Variants in NOL10 observed in about 807,000 individuals in gnomAD.
The protein encoded by NOL10 is H_NH0074G24.1.
Under a neutral mutation model 103.5 loss-of-function variants are expected in NOL10, and 58 were observed. The ratio of observed to expected loss-of-function variants is 0.56; its 90% CI spans 0.45 to 0.70. NOL10 has a LOEUF of 0.70. Ranked by LOEUF, NOL10 falls within the 30% of genes least tolerant of loss-of-function variation. NOL10 has a pLI of 0.00. For synonymous variants in NOL10, 287 were observed against 282.5 expected (o/e 1.02, Z -0.16); for missense variants, 763 against 807.3 (o/e 0.95, Z 0.67).
At chr2:10,663,126 G>A in intron 8 of NOL10, 82 bp from the exon 9 acceptor site, 2 of 1,120,236 alleles carry the variant, frequency 1.8e-6, no homozygotes, top group Non-Finnish European at 2.7e-6. Flanking sequence ...CAGCACTTTG[G>A]GAGGCCGAGG....
At chr2:10,636,918 G>A (rs993225571) in intron 13 of NOL10, among the ~76,000 whole-genome samples, 1 of 151,902 alleles carries the variant, frequency 6.6e-6, no homozygotes, top group African/African-American at 2.4e-5. Flanking sequence ...AAAACCCTTA[G>A]AGGCTGGGTG....
At chr2:10,680,769 A>G (rs1681703534) in intron 3 of NOL10, among the ~76,000 whole-genome samples, 1 of 152,234 alleles carries the variant, frequency 6.6e-6, no homozygotes, top group Non-Finnish European at 1.5e-5. Flanking sequence ...GAAAAGGAAT[A>G]CTGTTATCAG....
At chr2:10,608,027 G>T (rs914359553) in intron 13 of NOL10, among the ~76,000 whole-genome samples, 3 of 152,022 alleles carry the variant, frequency 2.0e-5, no homozygotes, top group African/African-American at 7.2e-5. Flanking sequence ...TAAGAGAGTA[G>T]ATTTTAAATG....
At chr2:10,659,099 G>GT (rs745946032) in intron 10 of NOL10, 73 bp downstream of exon 10, 5 of 980,798 alleles carry the variant, frequency 5.1e-6, no homozygotes, top group Non-Finnish European at 8.0e-6. Context: ...TTCCTGCAGT[G>GT]TATTTCTCAT....
chr2:10,582,641 C>T (rs1326028754), intron 19 of NOL10, among the ~76,000 whole-genome samples: 4 of 152,184 alleles, frequency 2.6e-5, no homozygotes, highest in Non-Finnish European at 5.9e-5. Flanking sequence ...CCTATGTTCA[C>T]GCATCTGGAC....
rs1453154932 is a variant in NOL10, at chr2:10,587,066, TAC to T, written c.1844+1975_1844+1976del. Among the ~76,000 whole-genome samples, 166 of 40,344 alleles carry T rather than the reference TAC, an allele frequency of 4.1e-3. 11 individuals carry two copies. Among genetic ancestry groups the T allele is most frequent in the African/African-American group, 6.1e-3 (59 of 9,736 alleles). 26.5% of individuals were successfully genotyped at this position (40,344 alleles called of 152,430 possible). ...ATGTATATATATATACATATATATA[TAC>T]ATATATATACATATATATACATATA... On this transcript the variant is annotated intron_variant, in intron 19 of 20. Coordinates refer to ENST00000381685, the MANE Select transcript of NOL10 (RefSeq NM_024894.4).
At chr2:10,590,932 A>C (rs535561743) in intron 17 of NOL10, 3 of 152,132 alleles carry the variant, frequency 2.0e-5, no homozygotes, top group Non-Finnish European at 4.4e-5. Context: ...GAAAAAGCTG[A>C]CCTGTTTGTG....
rs1264440379 is a variant in NOL10, at chr2:10,587,166, TAC to T, written c.1844+1875_1844+1876del. On this transcript the variant is annotated intron_variant, in intron 19 of 20. Coordinates refer to ENST00000381685, the MANE Select transcript of NOL10 (RefSeq NM_024894.4). The stretch of plus-strand genomic sequence containing the variant: ...ATATATATACATATATACACATATA[TAC>T]ACATATATATACACATATATATACA... 1.0e-4 allele frequency among the ~76,000 whole-genome samples: 5 copies of T among 48,336 alleles called. No individual in the cohort carries two copies. In the East Asian group the frequency reaches 2.4e-3, roughly 23 times the overall value. The allele number at this position is 48,336 out of a possible 152,430, so 31.7% of individuals were successfully genotyped here.
At chr2:10,647,848 A>T (rs1679186845) in intron 12 of NOL10, among the ~76,000 whole-genome samples, 1 of 152,250 alleles carries the variant, frequency 6.6e-6, no homozygotes, top group African/African-American at 2.4e-5. Context: ...CAGCCCTGTA[A>T]GGCAGGTGAG....
At chr2:10,684,101 A>G (rs1681976190) in intron 2 of NOL10, among the ~76,000 whole-genome samples, 1 of 152,006 alleles carries the variant, frequency 6.6e-6, no homozygotes, top group African/African-American at 2.4e-5. Context: ...CAACATGGAG[A>G]AACCCCATCT....
At position 10,603,065 on chromosome 2, in the gene NOL10, G is replaced by A. The variant is rs2287062; in HGVS notation, c.1233+13C>T. 0.53 allele frequency: 839,882 copies of A among 1,582,618 alleles called. 227,047 individuals are homozygous for A. Among genetic ancestry groups the A allele is most frequent in the African/African-American group, 0.74 (55,055 of 74,182 alleles). On this transcript the variant is annotated intron_variant, in intron 15 of 20. Transcript: ENST00000381685. Reference sequence around the variant, plus strand: ...AGTTACCTGAAACATAATAACTGTAGTTTTCTGTTTACCTTGTGATAGAGT... The same window carrying A: ...AGTTACCTGAAACATAATAACTGTAATTTTCTGTTTACCTTGTGATAGAGT...
chr2:10,637,584 G>A (rs1427802905), intron 13 of NOL10, among the ~76,000 whole-genome samples: 1 of 152,228 alleles, frequency 6.6e-6, no homozygotes, highest in East Asian at 1.9e-4. Context: ...ACTCAGCTGA[G>A]AGGCTTAGAA....
chr2:10,609,725 A>T lies in NOL10; in HGVS notation c.1027-2414T>A, dbSNP rs78313663. ...CAGGGGTATCTGCTTCCAGTGAGTC[A>T]TAAACCTGCAAATGCAAAGCTCTAT... On this transcript the variant is annotated intron_variant, in intron 13 of 20. Coordinates refer to ENST00000381685, the MANE Select transcript of NOL10 (RefSeq NM_024894.4). Among the ~76,000 whole-genome samples the T allele has an allele frequency of 2.5e-3, 381 of 152,378 alleles. 4 individuals carry two copies. The East Asian group carries it at 0.041, about 16-fold the overall frequency.
In NOL10 at chr2:10,575,059, T is replaced by C. The variant is rs1242485085; in HGVS notation, c.1947+2577A>G. Among the ~76,000 whole-genome samples, 5 of 152,234 alleles carry C rather than the reference T, an allele frequency of 3.3e-5. No homozygotes were observed. The East Asian group carries it at 7.7e-4, about 23-fold the overall frequency. On this transcript the variant is annotated intron_variant, in intron 20 of 20. Transcript: ENST00000381685. ...GGCCATTAGCGCTTCTCCTGGGTGCTTCTGCCTCCTCTTCCCGACTACTTC... is the reference window on the plus strand; with the variant it reads ...GGCCATTAGCGCTTCTCCTGGGTGCCTCTGCCTCCTCTTCCCGACTACTTC...
chr2:10,640,027 C>T (rs562511570), intron 13 of NOL10, among the ~76,000 whole-genome samples: 3 of 151,904 alleles, frequency 2.0e-5, no homozygotes, highest in Non-Finnish European at 2.9e-5. Context: ...ATCAGATAGG[C>T]AAAAATTAAC....
At chr2:10,654,422 T>C (rs1345249574) in intron 12 of NOL10, 59 bp downstream of exon 12, 1 of 1,160,478 alleles carries the variant, frequency 8.6e-7, no homozygotes, top group Non-Finnish European at 1.2e-6. Context: ...TCACTGAACG[T>C]TCACTACAGA....
At chr2:10,675,974 T>C (rs904457167) in intron 3 of NOL10, 103 bp from the exon 4 acceptor site, 9 of 537,512 alleles carry the variant, frequency 1.7e-5, no homozygotes, top group African/African-American at 7.7e-5. Context: ...GCAGGATTAA[T>C]TGTAACCAAA....
At chr2:10,645,973 TA>T (rs1679049364) in intron 12 of NOL10, among the ~76,000 whole-genome samples, 1 of 127,858 alleles carries the variant, frequency 7.8e-6, no homozygotes, top group African/African-American at 3.2e-5. Flanking sequence ...ACACACCCCG[TA>T]AAAACATCTA....
At chr2:10,615,222 A>T (rs1676770920) in intron 13 of NOL10, among the ~76,000 whole-genome samples, 1 of 152,258 alleles carries the variant, frequency 6.6e-6, no homozygotes, top group South Asian at 2.1e-4. Flanking sequence ...GCAAAGAAGC[A>T]ATTTAATTTC....
Sources: allele counts gnomAD v4.1 joint callset (sites outside exome capture counted in the v4.1 genomes callset), GRCh38; gene constraint gnomAD v4.1.1; transcripts MANE v1.5; gene names NCBI Gene and HGNC (gene_info 2026-07-23, HGNC 2026-07-21).